Variants in NUMA1 observed in about 807,000 individuals in gnomAD.
NUMA1 encodes the protein nuclear mitotic apparatus protein 1.
NUMA1 carries 62 observed loss-of-function variants against 237.1 expected under a neutral mutation model. That is an observed-to-expected ratio of 0.26 (90% CI 0.21 to 0.32). NUMA1 has a LOEUF of 0.32. Ranked by LOEUF, NUMA1 falls within the 10% of genes least tolerant of loss-of-function variation. The probability of loss-of-function intolerance (pLI) is 1.00; values close to 1 mark genes in which losing one functional copy is unlikely to be tolerated. For synonymous variants in NUMA1, 1,028 were observed against 1,066.1 expected, an observed-to-expected ratio of 0.96 and a Z score of 0.70; for missense variants, 2,533 against 2,666.5, an observed-to-expected ratio of 0.95 and a Z score of 1.10.
chr11:72,016,497 C>T lies in NUMA1; in HGVS notation c.1153G>A (p.Gly385Arg). The change falls in exon 14 of 27, where the codon GGA becomes AGA. Residue 385 changes from glycine to arginine, a missense_variant. By Grantham distance (125) the Gly-to-Arg change is moderately radical. Transcript: ENST00000393695. ...CLEEKNEILQ[G>R]KLSQLEEHLS... ...TGTTCTTCCAGCTGTGAAAGTTTTC[C>T]CTGAAGGATTTCGTTCTTCTCTTCA... 1.9e-6 allele frequency: 3 copies of T among 1,614,006 alleles called. No individual in the cohort carries two copies. The highest frequency in any genetic ancestry group is 2.5e-6 in the Non-Finnish European group (3 of 1,180,038).
At chr11:72,060,143 A>G (rs1942864560) in intron 2 of NUMA1, among the ~76,000 whole-genome samples, 1 of 152,094 alleles carries the variant, frequency 6.6e-6, no homozygotes, top group African/African-American at 2.4e-5. Context: ...GTCAAGTGTA[A>G]TTCCCCCTAC....
rs746300081 is a variant in NUMA1 at position 72,018,466 on chromosome 11, G to C, written c.790C>G (p.Leu264Val). ...GGGCTGGCCGCCTGCTTCTCATTCA[G>C]CAGGGCTAGGCGGTCAATGCGCTGC... Reference protein sequence around the residue: ...MQQRIDRLALLNEKQAASPLE... With the variant: ...MQQRIDRLALVNEKQAASPLE... Residue 264 changes from leucine to valine, a missense_variant, in exon 11 of 27, where the codon CTG becomes GTG. Around this residue, in one of 3 missense-constraint regions of NUMA1, gnomAD observed 1,414 missense variants for 1,508.1 expected, o/e 0.94. Coordinates refer to ENST00000393695, the MANE Select transcript of NUMA1 (RefSeq NM_006185.4). 3.9e-5 allele frequency: 63 copies of C among 1,614,074 alleles called. 1 individual carries two copies. The Admixed American group carries it at 7.0e-4, about 18-fold the overall frequency.
chr11:72,008,306 A>G (rs2134608192), intron 20 of NUMA1: 2 of 377,086 alleles, frequency 5.3e-6, no homozygotes, highest in Non-Finnish European at 1.0e-5. Context: ...TAAACCTTTC[A>G]ATTACAGCCA....
chr11:72,015,502 A>G lies in NUMA1; in HGVS notation c.2001T>C (p.His667=). ...GCTCTGCAACCTGGGCCTGGGCCTC[A>G]TGCTGTTCCTGGCGGGCTGTCTCAA... ...ACVETARQEQ[H]EAQAQVAELE... The change falls in exon 15 of 27, where the codon CAT becomes CAC. Residue 667 remains histidine, a synonymous_variant. Coordinates refer to ENST00000393695, the MANE Select transcript of NUMA1 (RefSeq NM_006185.4). This position sits in a 1 kb window ranked among gnomAD's most constrained non-coding sequence, Gnocchi z 4.0. The G allele has an allele frequency of 5.0e-6, 8 of 1,612,942 alleles. No individual in the cohort carries two copies. The highest frequency in any genetic ancestry group is 5.9e-6 in the Non-Finnish European group (7 of 1,179,940).
At chr11:72,055,774 A>G (rs1942600270) in intron 2 of NUMA1, among the ~76,000 whole-genome samples, 1 of 151,102 alleles carries the variant, frequency 6.6e-6, no homozygotes, top group Non-Finnish European at 1.5e-5. Flanking sequence ...GAGCCCAGGA[A>G]TTCAAGACCA....
rs554813577 is a variant in NUMA1, at chr11:72,008,938, T to C, written c.5058+29A>G. Reference sequence around the variant, plus strand: ...GCACAGGGGTCCAGTGGAATAGGAGTGAGGTGAGTCTGCCAGCCAAATTCT... The same window carrying C: ...GCACAGGGGTCCAGTGGAATAGGAGCGAGGTGAGTCTGCCAGCCAAATTCT... On this transcript the variant is annotated intron_variant, in intron 19 of 26. Transcript: ENST00000393695. The C allele has an allele frequency of 6.2e-6, 10 of 1,611,996 alleles. No homozygotes were observed. In the African/African-American group the frequency reaches 1.2e-4, roughly 20 times the overall value.
In NUMA1 at chr11:72,009,276, T is replaced by G. The variant is rs1955976729; in HGVS notation, c.4831A>C (p.Lys1611Gln). ...GGGGCTGGGCTCCTTACCTGCAGCT[T>G]ATAGTGCTCAGCTGCCTGCTCCTTC... ...SQKEQAAEHY[K>Q]LQMEKAKTHY... The change falls in exon 18 of 27, where the codon AAG becomes CAG. Residue 1611 changes from lysine to glutamine, a missense_variant. By Grantham distance (53) the Lys-to-Gln change is moderately conservative. Transcript: ENST00000393695. 1 of 1,613,016 alleles carries G rather than the reference T, an allele frequency of 6.2e-7. No homozygotes were observed. The highest frequency in any genetic ancestry group is 8.5e-7 in the Non-Finnish European group (1 of 1,179,894).
intron 2 of NUMA1, among the ~76,000 whole-genome samples, chr11:72,064,413 G>T (rs1943108369): frequency 6.6e-6 from 1 of 152,002 alleles, no homozygotes; most frequent in African/African-American, 2.4e-5. Flanking sequence ...AGTGAGCTAG[G>T]ATTGCAACTG....
rs1466144767 is a variant in NUMA1 at position 72,014,628 on chromosome 11, G to C, written c.2875C>G (p.Gln959Glu). The C allele has an allele frequency of 1.9e-6, 3 of 1,610,074 alleles. No individual in the cohort carries two copies. Among genetic ancestry groups the C allele is most frequent in the East Asian group, 2.2e-5 (1 of 44,878 alleles). Residue 959 changes from glutamine to glutamate, a missense_variant, in exon 15 of 27, where the codon CAG (glutamine) becomes GAG (glutamate). Physicochemically the swap from Gln to Glu is conservative, Grantham distance 29. This residue lies in a region of NUMA1 where 1,414 missense variants were observed against 1,508.1 expected (regional missense o/e 0.94). Transcript: ENST00000393695. The surrounding 1 kb of genome is among the most constrained non-coding windows in gnomAD (Gnocchi z 4.6). Reference protein sequence around the residue: ...PEWLEEQQGRQFCSTQAALQA... With the variant: ...PEWLEEQQGREFCSTQAALQA... ...AGCGCTGCCTGTGTGCTGCAGAACT[G>C]GCGTCCCTGTTGCTCTTCCAGCCAC...
chr11:72,043,320 C>CA (rs1459360086), intron 2 of NUMA1, among the ~76,000 whole-genome samples: 4 of 145,210 alleles, frequency 2.8e-5, no homozygotes, highest in South Asian at 2.2e-4. Flanking sequence ...AAAAACCACA[C>CA]AAAAAAACAA....
At chr11:72,071,458 G>C (rs925665892) in intron 1 of NUMA1, among the ~76,000 whole-genome samples, 1 of 152,120 alleles carries the variant, frequency 6.6e-6, no homozygotes, top group East Asian at 1.9e-4. Flanking sequence ...GATTAAAAAA[G>C]AACTGTTCAA....
Position 72,019,743 on chromosome 11 carries a change from T to C in NUMA1, c.461-126A>G, listed in dbSNP as rs1292917372. On this transcript the variant is annotated intron_variant, in intron 8 of 26. Transcript: ENST00000393695. ...TATCCATGGATACTTATATGTAAAC[T>C]ACCAAGGAAGGCACTGGGCAGAACC... is the stretch of plus-strand genomic sequence containing the variant. The C allele has an allele frequency of 1.3e-5, 14 of 1,046,382 alleles. No individual in the cohort carries two copies. The South Asian group carries it at 1.6e-4, about 12-fold the overall frequency. The allele number at this position is 1,046,382 out of a possible 1,614,324, so 64.8% of individuals were successfully genotyped here.
intron 22 of NUMA1, 112 bp from the exon 23 acceptor site, chr11:72,005,481 G>T: frequency 1.0e-6 from 1 of 998,920 alleles, no homozygotes; most frequent in Non-Finnish European, 1.5e-6. Context: ...TTGAAGCCCA[G>T]CACACCAGTC....
chr11:72,007,229 C>T lies in NUMA1; in HGVS notation c.5423G>A (p.Arg1808His), dbSNP rs773056133. The T allele has an allele frequency of 3.5e-5, 57 of 1,612,642 alleles. 1 individual carries two copies. The South Asian group carries it at 4.5e-4, about 13-fold the overall frequency. ...GTTGATGATCTGCGTGGTGCGCCGA[C>T]GAGCGGAGCGGGTCTTACGACCCGA... is the stretch of plus-strand genomic sequence containing the variant. ...LDSGRKTRSA[R>H]RRTTQIINIT... Residue 1808 changes from arginine (R) to histidine (H), a missense_variant, in exon 21 of 27, where the codon CGT (arginine) becomes CAT (histidine). Transcript: ENST00000393695.
At chr11:72,004,130 C>G in intron 25 of NUMA1, 31 bp from the exon 26 acceptor site, 1 of 1,612,008 alleles carries the variant, frequency 6.2e-7, no homozygotes, top group Non-Finnish European at 8.5e-7. Flanking sequence ...ACCGGGAGAC[C>G]CAATGCTGCC....
At chr11:72,023,537 T>C (rs112401880) in intron 5 of NUMA1, among the ~76,000 whole-genome samples, 1 of 152,152 alleles carries the variant, frequency 6.6e-6, no homozygotes, top group Non-Finnish European at 1.5e-5. Context: ...AAAGGACAAC[T>C]AGGGATACGT....
At chr11:72,006,953 C>G (rs1323860370) in intron 21 of NUMA1, among the ~76,000 whole-genome samples, 1 of 152,252 alleles carries the variant, frequency 6.6e-6, no homozygotes, top group South Asian at 2.1e-4. Flanking sequence ...CTCAGTGCTA[C>G]GCATGGAGAG....
intron 2 of NUMA1, among the ~76,000 whole-genome samples, chr11:72,056,639 A>T (rs1434919418): frequency 1.3e-4 from 7 of 52,366 alleles, no homozygotes; most frequent in African/African-American, 3.6e-4. Flanking sequence ...TCTCTTTAAA[A>T]AAAAAAAAAA....
intron 2 of NUMA1, among the ~76,000 whole-genome samples, chr11:72,064,124 T>C (rs1295716415): frequency 2.0e-5 from 3 of 152,108 alleles, no homozygotes; most frequent in African/African-American, 7.2e-5. Flanking sequence ...ATGGCAAGAA[T>C]ATACATATGA....
Sources: gnomAD v4.1 joint callset for allele counts (sites outside exome capture counted in the v4.1 genomes callset) on GRCh38, gnomAD v4.1.1 for gene constraint, gnomAD v4.1.1 regional missense constraint, Gnocchi (gnomAD v3.1) non-coding constraint, MANE v1.5 for transcripts, NCBI Gene and HGNC (gene_info 2026-07-23, HGNC 2026-07-21) for gene names.